AP4S1: variants seen among roughly 807,000 people sequenced by gnomAD.
The protein encoded by AP4S1 is adaptor related protein complex 4 subunit sigma 1, also known as AP-4 complex subunit sigma-1.
A neutral mutation model predicts 19.8 loss-of-function variants in AP4S1; 23 were observed. The ratio of observed to expected loss-of-function variants is 1.16; its 90% CI spans 0.84 to 1.65. AP4S1 has a LOEUF of 1.65. Ranked by LOEUF, AP4S1 falls within the 40% of genes most tolerant of loss-of-function variation. The pLI is 0.00. For synonymous variants in AP4S1, 46 were observed against 54.1 expected, an observed-to-expected ratio of 0.85 and a Z score of 0.66; for missense variants, 166 against 172.8, an observed-to-expected ratio of 0.96 and a Z score of 0.22.
intron 2 of AP4S1, among the ~76,000 whole-genome samples, chr14:31,067,941 T>C (rs1000436698): frequency 6.6e-6 from 1 of 151,932 alleles, no homozygotes; most frequent in Admixed American, 6.6e-5. Context: ...CGATCTTGGC[T>C]TACCACAACA....
At chr14:31,086,708 G>A (rs956402238) in intron 5 of AP4S1, among the ~76,000 whole-genome samples, 3 of 151,998 alleles carry the variant, frequency 2.0e-5, no homozygotes, top group Admixed American at 6.6e-5. Context: ...GAGCCACCAC[G>A]CCCAGCCAGG....
chr14:31,073,228 C>A, intron 4 of AP4S1: 2 of 392,452 alleles, frequency 5.1e-6, no homozygotes, highest in Non-Finnish European at 4.8e-6. Context: ...CGATGGCTCA[C>A]GCCTGTAATC....
chr14:31,027,800 A>T (rs1213800418), intron 1 of AP4S1, among the ~76,000 whole-genome samples: 1 of 152,248 alleles, frequency 6.6e-6, no homozygotes, highest in African/African-American at 2.4e-5. Context: ...TCTAAAAATT[A>T]ATATAGCTAA....
At chr14:31,061,256 T>A (rs1886422137) in intron 1 of AP4S1, among the ~76,000 whole-genome samples, 1 of 152,128 alleles carries the variant, frequency 6.6e-6, no homozygotes, top group South Asian at 2.1e-4. Context: ...TGACCTCAGG[T>A]GATCTGCCCA....
chr14:31,064,992 C>T (rs1381661473), intron 1 of AP4S1, among the ~76,000 whole-genome samples: 1 of 152,104 alleles, frequency 6.6e-6, no homozygotes, highest in Admixed American at 6.6e-5. Flanking sequence ...CTACCTCAAA[C>T]AATTGTGAGA....
chr14:31,064,917 G>T (rs1886632929), intron 1 of AP4S1, among the ~76,000 whole-genome samples: 1 of 152,124 alleles, frequency 6.6e-6, no homozygotes, highest in Non-Finnish European at 1.5e-5. Flanking sequence ...TTGCACCACT[G>T]CACTCCAGCC....
chr14:31,026,509 G>C (rs1370025938), intron 1 of AP4S1: 1 of 294,080 alleles, frequency 3.4e-6, no homozygotes, highest in African/African-American at 2.2e-5. Context: ...GCAGCCTCAC[G>C]CTTAATCGCC....
chr14:31,074,222 A>C (rs926670555), intron 4 of AP4S1, among the ~76,000 whole-genome samples: 2 of 151,934 alleles, frequency 1.3e-5, no homozygotes, highest in Non-Finnish European at 2.9e-5. Context: ...GCTCCTCGGA[A>C]GGCTGAGGCA....
chr14:31,070,046 G>A, intron 3 of AP4S1, 117 bp downstream of exon 3: 1 of 849,060 alleles, frequency 1.2e-6, no homozygotes, highest in Non-Finnish European at 2.0e-6. Flanking sequence ...CCAGTCTGGA[G>A]TGCCGTGGCA....
At chr14:31,092,799 C>T (rs1888109879) in intron 5 of AP4S1, 108 bp from the exon 6 acceptor site, 2 of 794,566 alleles carry the variant, frequency 2.5e-6, no homozygotes, top group South Asian at 5.4e-5. Flanking sequence ...TACAAAAAAC[C>T]TCATGCTTAG....
intron 1 of AP4S1, among the ~76,000 whole-genome samples, chr14:31,062,636 G>A (rs1452045837): frequency 1.3e-5 from 2 of 152,172 alleles, no homozygotes; most frequent in African/African-American, 4.8e-5. Context: ...TAAAGTTAAT[G>A]AAATCAAATG....
At chr14:31,066,726 T>G (rs1486029601) in intron 2 of AP4S1, among the ~76,000 whole-genome samples, 1 of 152,124 alleles carries the variant, frequency 6.6e-6, no homozygotes, top group Non-Finnish European at 1.5e-5. Context: ...ATCAGATGAT[T>G]GGTGTAGAGG....
chr14:31,084,612 C>T (rs945396457), intron 5 of AP4S1, among the ~76,000 whole-genome samples: 3 of 152,198 alleles, frequency 2.0e-5, no homozygotes, highest in African/African-American at 7.2e-5. Context: ...GCTATGAATA[C>T]ACTCCTGTGC....
intron 4 of AP4S1, among the ~76,000 whole-genome samples, chr14:31,078,213 A>C (rs1372366008): frequency 6.6e-6 from 1 of 152,098 alleles, no homozygotes; most frequent in Non-Finnish European, 1.5e-5. Flanking sequence ...TTTAAAATCT[A>C]TCTCTGTGTT....
chr14:31,067,843 A>G (rs1014853439), intron 2 of AP4S1, among the ~76,000 whole-genome samples: 2 of 150,432 alleles, frequency 1.3e-5, no homozygotes, highest in Non-Finnish European at 3.0e-5. Flanking sequence ...TTTTGCAAAG[A>G]ATTTTTTCCC....
chr14:31,046,882 G>A (rs2139475126), intron 1 of AP4S1, among the ~76,000 whole-genome samples: 1 of 151,740 alleles, frequency 6.6e-6, no homozygotes, highest in African/African-American at 2.4e-5. Context: ...TAGAATTGCT[G>A]GATAATATGG....
At chr14:31,025,847 C>G (rs1381709091) in intron 1 of AP4S1, 60 bp downstream of exon 1, 2 of 1,555,608 alleles carry the variant, frequency 1.3e-6, no homozygotes, top group South Asian at 2.3e-5. Context: ...CCCAGCCCCA[C>G]CCCCCGGCCG....
Position 31,092,951 on chromosome 14 carries a change from GGT to G in AP4S1, c.354_355del (p.Leu119LysfsTer8). ...DKVHIILDEM[V>X]LNGCIVETNR... ...AAGTACACATCATTTTGGATGAGAT[GGT>G]GTTAAATGGCTGCATTGTGGAAACT... On this transcript the variant is annotated frameshift_variant, in exon 6 of 6. Transcript: ENST00000542754. LOFTEE classifies it high-confidence loss of function. 6.5e-7 allele frequency: 1 copy of G among 1,546,212 alleles called. No homozygotes were observed. The highest frequency in any genetic ancestry group is 8.7e-7 in the Non-Finnish European group (1 of 1,143,898).
intron 2 of AP4S1, among the ~76,000 whole-genome samples, chr14:31,069,364 A>G (rs756332039): frequency 3.9e-4 from 59 of 152,242 alleles, no homozygotes; most frequent in Non-Finnish European, 7.8e-4. Flanking sequence ...TCATGAGTCT[A>G]GGAAAAAGCA....
Sources: allele counts gnomAD v4.1 joint callset (sites outside exome capture counted in the v4.1 genomes callset), GRCh38; gene constraint gnomAD v4.1.1; transcripts MANE v1.5; gene names NCBI Gene and HGNC (gene_info 2026-07-23, HGNC 2026-07-21).